The following MBNL1 variants were observed in gnomAD, a reference collection of about 807,000 sequenced individuals.
The protein encoded by MBNL1 is muscleblind like splicing regulator 1, also known as muscleblind-like protein 1.
A neutral mutation model predicts 42.2 loss-of-function variants in MBNL1; 8 were observed. That is an observed-to-expected ratio of 0.19 (90% confidence interval 0.11 to 0.34). The LOEUF (loss-of-function observed/expected upper bound fraction) is 0.34, where lower values mean the gene tolerates loss of function less well. Among genes scored for constraint, MBNL1 ranks in the 10% least tolerant of loss-of-function variants. The probability of loss-of-function intolerance (pLI) is 1.00; values close to 1 mark genes in which losing one functional copy is unlikely to be tolerated. For synonymous variants in MBNL1, 169 were observed against 173.9 expected, an observed-to-expected ratio of 0.97 and a Z score of 0.22; for missense variants, 309 against 495.3, an observed-to-expected ratio of 0.62 and a Z score of 3.57.
chr3:152,269,044 T>C lies in MBNL1; in HGVS notation c.-838T>C, dbSNP rs1170181576. The stretch of plus-strand genomic sequence containing the variant: ...TGGAATCATGACTCCCACAATGCCT[T>C]GGGCACTTGGTCGACAGTGGGGCCG... On this transcript the variant is annotated 5_prime_UTR_variant, in exon 1 of 10. Transcript: ENST00000324210. 4.4e-6 allele frequency: 2 copies of C among 455,956 alleles called. No individual in the cohort carries two copies. The highest frequency in any genetic ancestry group is 4.7e-5 in the Admixed American group (2 of 42,554). The allele number at this position is 455,956 out of a possible 1,614,324, so 28.2% of individuals were successfully genotyped here.
chr3:152,336,466 G>T (rs1340952666), intron 2 of MBNL1, among the ~76,000 whole-genome samples: 1 of 152,148 alleles, frequency 6.6e-6, no homozygotes, highest in Non-Finnish European at 1.5e-5. Flanking sequence ...ACATTGACAT[G>T]ATTATATTTT....
At chr3:152,458,486 G>A in intron 8 of MBNL1, 1 of 331,602 alleles carries the variant, frequency 3.0e-6, no homozygotes, top group South Asian at 3.2e-5. Flanking sequence ...GCTTTGCTCA[G>A]GGTCACACAG....
chr3:152,260,168 G>C (rs2036019771), intron 2 of MBNL1, among the ~76,000 whole-genome samples: 1 of 152,162 alleles, frequency 6.6e-6, no homozygotes, highest in Admixed American at 6.5e-5. Context: ...GCAGTAACTG[G>C]TGAGCTGGTG....
intron 2 of MBNL1, among the ~76,000 whole-genome samples, chr3:152,306,607 T>A (rs1184134431): frequency 1.3e-5 from 2 of 152,196 alleles, no homozygotes; most frequent in East Asian, 3.8e-4. Context: ...TTTTGTATGT[T>A]TGTTTGTTTT....
chr3:152,364,391 G>C (rs1486375713), intron 2 of MBNL1, among the ~76,000 whole-genome samples: 1 of 151,986 alleles, frequency 6.6e-6, no homozygotes, highest in African/African-American at 2.4e-5. Context: ...ACACTACATA[G>C]TTTTACATGT....
chr3:152,317,783 T>TAGATGTTCAACG (rs1337302188), intron 2 of MBNL1, among the ~76,000 whole-genome samples: 1 of 152,200 alleles, frequency 6.6e-6, no homozygotes, highest in African/African-American at 2.4e-5. Context: ...TGTTTTCAAA[T>TAGATGTTCAACG]AGATGTTCAA....
intron 2 of MBNL1, among the ~76,000 whole-genome samples, chr3:152,375,280 A>G (rs2096849359): frequency 6.6e-6 from 1 of 152,234 alleles, no homozygotes; most frequent in African/African-American, 2.4e-5. Context: ...GTTTATAGCT[A>G]TTCTCACAAT....
intron 2 of MBNL1, among the ~76,000 whole-genome samples, chr3:152,366,925 C>G (rs1306840388): frequency 3.3e-5 from 5 of 151,838 alleles, no homozygotes; most frequent in Non-Finnish European, 7.4e-5. Context: ...ATTTTATGTA[C>G]AAAAGAGAAA....
chr3:152,403,551 G>T (rs2098321402), intron 2 of MBNL1, among the ~76,000 whole-genome samples: 1 of 152,072 alleles, frequency 6.6e-6, no homozygotes, highest in Non-Finnish European at 1.5e-5. Context: ...AAAATTCTGA[G>T]ACTTTTCTAT....
chr3:152,271,027 T>G (rs1192953444), intron 1 of MBNL1, among the ~76,000 whole-genome samples: 1 of 152,194 alleles, frequency 6.6e-6, no homozygotes, highest in Non-Finnish European at 1.5e-5. Flanking sequence ...AAACCTCACA[T>G]ATGCCTAGTT....
chr3:152,320,633 A>G (rs567094850), intron 2 of MBNL1, among the ~76,000 whole-genome samples: 2 of 151,650 alleles, frequency 1.3e-5, no homozygotes, highest in African/African-American at 2.4e-5. Context: ...CAAAGGTTGC[A>G]TAGGGAGAAA....
At chr3:152,398,775 A>G (rs150969293) in intron 2 of MBNL1, among the ~76,000 whole-genome samples, 246 of 152,292 alleles carry the variant, frequency 1.6e-3, no homozygotes, top group African/African-American at 5.5e-3. Flanking sequence ...GAAGTAGACA[A>G]TCTGTAATAC....
Position 152,447,629 on chromosome 3 carries a change from C to G in MBNL1, c.817C>G (p.Gln273Glu), listed in dbSNP as rs761059551. 2 of 1,613,064 alleles carry G rather than the reference C, an allele frequency of 1.2e-6. No homozygotes were observed. The highest frequency in any genetic ancestry group is 1.7e-6 in the Non-Finnish European group (2 of 1,179,322). The change falls in exon 6 of 10, where the codon CAA becomes GAA. Residue 273 changes from glutamine (Q) to glutamate (E), a missense_variant. By Grantham distance (29) the Gln-to-Glu change is conservative. Transcript: ENST00000324210. ...AATAAAMGIP[Q>E]AVLPPLPKRP... ...CTCATTCACTAAACAGGGAATTCCT[C>G]AAGCTGTACTTCCCCCATTACCAAA...
Position 152,356,856 on chromosome 3 carries a change from AGTGT to A in MBNL1, c.174+56510_174+56513del, listed in dbSNP as rs59868027. Among the ~76,000 whole-genome samples, 1,050 of 149,480 alleles carry A rather than the reference AGTGT, an allele frequency of 7.0e-3. 8 individuals carry two copies. The highest frequency in any genetic ancestry group is 0.025 in the African/African-American group (1,001 of 40,502). On this transcript the variant is annotated intron_variant, in intron 2 of 9. Transcript: ENST00000324210. ...AGAGGGGATCTGGGCATATGTGTGT[AGTGT>A]GTGTGTGTGTGTGTGTGTGTTCTTA...
At chr3:152,337,989 AT>A (rs11421030) in intron 2 of MBNL1, 96,911 of 662,632 alleles carry the variant, frequency 0.15, 6,530 homozygotes, top group Middle Eastern at 0.16. Context: ...GCACCCTGGG[AT>A]TTTTTTTTTG....
upstream of MBNL1, chr3:152,264,335 G>A (rs1020797911): frequency 5.3e-5 from 8 of 151,638 alleles, no homozygotes; most frequent in African/African-American, 1.9e-4. Context: ...TGTATGGAAA[G>A]AAGAAAGAAA....
chr3:152,343,981 A>G (rs2093791536), intron 2 of MBNL1, among the ~76,000 whole-genome samples: 1 of 152,128 alleles, frequency 6.6e-6, no homozygotes, highest in African/African-American at 2.4e-5. Flanking sequence ...ATAATATTAT[A>G]AAATTGTAAT....
intron 2 of MBNL1, among the ~76,000 whole-genome samples, chr3:152,405,186 A>T (rs1041465120): frequency 2.0e-5 from 3 of 152,202 alleles, no homozygotes; most frequent in African/African-American, 7.2e-5. Context: ...TTAGCAGTCA[A>T]TGATTAAACA....
chr3:152,332,692 T>TGTG (rs2085641136), intron 2 of MBNL1, among the ~76,000 whole-genome samples: 3 of 132,926 alleles, frequency 2.3e-5, no homozygotes, highest in Non-Finnish European at 4.8e-5. Flanking sequence ...TTTCATGGTT[T>TGTG]TGTGTGTGTG....
Sources: allele counts gnomAD v4.1 joint callset (sites outside exome capture counted in the v4.1 genomes callset), GRCh38; gene constraint gnomAD v4.1.1; transcripts MANE v1.5; gene names NCBI Gene and HGNC (gene_info 2026-07-23, HGNC 2026-07-21).